The following TENM4 variants were observed in gnomAD, a reference collection of about 807,000 sequenced individuals.
The protein encoded by TENM4 is teneurin transmembrane protein 4.
Under a neutral mutation model 243.3 loss-of-function variants are expected in TENM4, and 82 were observed. The observed-to-expected ratio is 0.34, with a 90% CI of 0.28 to 0.40. TENM4 has a LOEUF of 0.40. Among genes scored for constraint, TENM4 ranks in the 10% least tolerant of loss-of-function variants. TENM4 has a pLI of 1.00. For missense variants in TENM4, 3,138 were observed against 3,673.3 expected, an observed-to-expected ratio of 0.85 and a Z score of 3.77; for synonymous variants, 1,412 against 1,456.3, an observed-to-expected ratio of 0.97 and a Z score of 0.69.
chr11:78,992,710 G>A (rs958481161), intron 6 of TENM4, among the ~76,000 whole-genome samples: 1 of 152,236 alleles, frequency 6.6e-6, no homozygotes, highest in Non-Finnish European at 1.5e-5. Context: ...TGAGTAGGAA[G>A]TAGAGAAGGT....
intron 3 of TENM4, among the ~76,000 whole-genome samples, chr11:79,200,303 A>C (rs1252347041): frequency 6.6e-6 from 1 of 152,208 alleles, no homozygotes; most frequent in Non-Finnish European, 1.5e-5. Flanking sequence ...GATGCTGGGC[A>C]TCACATAGTG....
Position 79,085,200 on chromosome 11 carries a change from C to A in TENM4, c.-65-15191G>T, listed in dbSNP as rs546909108. ...ATCCTGGCTAACATGGTGAAACCCC[C>A]TCTTTACTAAAAATACAAAAAAAAA... On this transcript the variant is annotated intron_variant, in intron 4 of 33. Transcript: ENST00000278550. Among the ~76,000 whole-genome samples, 506 of 151,464 alleles carry A rather than the reference C, an allele frequency of 3.3e-3. 13 individuals carry two copies. In the South Asian group the frequency reaches 0.053, roughly 16 times the overall value.
In TENM4 at chr11:78,658,440, T is replaced by G. The variant is rs764458923; in HGVS notation, c.7928A>C (p.Asn2643Thr). 4 of 1,613,874 alleles carry G rather than the reference T, an allele frequency of 2.5e-6. No homozygotes were observed. The East Asian group carries it at 8.9e-5, about 36-fold the overall frequency. Reference sequence around the variant, plus strand: ...CTGGGACACAGTGACGTTGACCCCATTCTCCAGGGTTCGCCGCCCCCCACT... The same window carrying G: ...CTGGGACACAGTGACGTTGACCCCAGTCTCCAGGGTTCGCCGCCCCCCACT... ...GLSGGRRTLE[N>T]GVNVTVSQIN... The change falls in exon 34 of 34, where the codon AAT (asparagine) becomes ACT (threonine). Residue 2643 changes from asparagine (N) to threonine (T), a missense_variant. Around this residue, in one of 2 missense-constraint regions of TENM4, gnomAD observed 2,467 missense variants for 3,059.1 expected, o/e 0.81. Transcript: ENST00000278550.
At chr11:79,008,273 C>T (rs1043779971) in intron 6 of TENM4, among the ~76,000 whole-genome samples, 3 of 152,174 alleles carry the variant, frequency 2.0e-5, no homozygotes, top group Non-Finnish European at 2.9e-5. Context: ...GGCTCTGCCA[C>T]CCCGGGTTTA....
chr11:78,729,784 A>G (rs1855608102), intron 21 of TENM4, 141 bp from the exon 22 acceptor site: 4 of 1,134,788 alleles, frequency 3.5e-6, no homozygotes, highest in East Asian at 4.9e-5. Flanking sequence ...AAAAGAGGAG[A>G]CAGTGGAAAG....
chr11:78,668,863 A>C, intron 32 of TENM4, 74 bp downstream of exon 32: 1 of 1,506,102 alleles, frequency 6.6e-7, no homozygotes, highest in African/African-American at 1.4e-5. Flanking sequence ...CAGCTTTCTC[A>C]AAGAAGACTA....
intron 21 of TENM4, among the ~76,000 whole-genome samples, chr11:78,729,859 A>G (rs1418632619): frequency 6.6e-6 from 1 of 151,902 alleles, no homozygotes; most frequent in Non-Finnish European, 1.5e-5. Context: ...CATAAATGAG[A>G]TGGGAGAAAG....
At chr11:79,364,407 T>C (rs1857641705) in intron 1 of TENM4, among the ~76,000 whole-genome samples, 1 of 152,162 alleles carries the variant, frequency 6.6e-6, no homozygotes, top group Non-Finnish European at 1.5e-5. Flanking sequence ...ATTTTTTCCC[T>C]GCCCAAGTCT....
At chr11:79,178,318 G>A (rs897624573) in intron 3 of TENM4, among the ~76,000 whole-genome samples, 6 of 152,142 alleles carry the variant, frequency 3.9e-5, no homozygotes, top group Admixed American at 1.3e-4. Context: ...TTAGGGCAGA[G>A]GTCCAGACTA....
At chr11:78,773,810 A>G (rs2136001306) in intron 17 of TENM4, among the ~76,000 whole-genome samples, 1 of 152,340 alleles carries the variant, frequency 6.6e-6, no homozygotes, top group East Asian at 1.9e-4. Flanking sequence ...TGAGACAATG[A>G]CAGCTGCCAC....
intron 3 of TENM4, among the ~76,000 whole-genome samples, chr11:79,198,275 T>C (rs1200625463): frequency 6.6e-6 from 1 of 152,116 alleles, no homozygotes; most frequent in East Asian, 1.9e-4. Context: ...GCTCTTGTCT[T>C]CTCTCTGATG....
chr11:79,379,692 C>T (rs1224911342), intron 1 of TENM4, among the ~76,000 whole-genome samples: 1 of 152,190 alleles, frequency 6.6e-6, no homozygotes, highest in Non-Finnish European at 1.5e-5. Flanking sequence ...TAGGTGATTT[C>T]CCTCAGACCA....
chr11:78,779,916 A>T (rs911827249), intron 16 of TENM4, among the ~76,000 whole-genome samples: 1 of 152,240 alleles, frequency 6.6e-6, no homozygotes, highest in African/African-American at 2.4e-5. Context: ...TCATCACTAT[A>T]TATTAGCCTC....
At chr11:78,771,468 T>C (rs1393429674) in intron 17 of TENM4, among the ~76,000 whole-genome samples, 1 of 152,228 alleles carries the variant, frequency 6.6e-6, no homozygotes, top group Non-Finnish European at 1.5e-5. Flanking sequence ...CCTATCAGAA[T>C]CTAACCAATG....
intron 4 of TENM4, among the ~76,000 whole-genome samples, chr11:79,107,281 C>A (rs1356499158): frequency 6.6e-6 from 1 of 151,538 alleles, no homozygotes; most frequent in African/African-American, 2.4e-5. Flanking sequence ...CTTGAGAATA[C>A]TAATCATAAT....
intron 4 of TENM4, among the ~76,000 whole-genome samples, chr11:79,084,475 C>T (rs1037225462): frequency 2.0e-5 from 3 of 152,138 alleles, no homozygotes; most frequent in African/African-American, 7.2e-5. Context: ...CCCAGATATC[C>T]TTCAACAGGT....
intron 1 of TENM4, among the ~76,000 whole-genome samples, chr11:79,346,187 C>T (rs969575044): frequency 6.6e-5 from 10 of 152,104 alleles, no homozygotes; most frequent in African/African-American, 1.9e-4. Flanking sequence ...CTCCTCCTCG[C>T]GATGATGATC....
intron 18 of TENM4, 50 bp from the exon 19 acceptor site, chr11:78,757,071 A>G (rs1856328674): frequency 6.5e-7 from 1 of 1,535,130 alleles, no homozygotes; most frequent in Non-Finnish European, 8.9e-7. Flanking sequence ...TCAATCAGCC[A>G]TGTTTATCCA....
chr11:79,220,388 G>A (rs2135237369), intron 2 of TENM4, among the ~76,000 whole-genome samples: 1 of 152,318 alleles, frequency 6.6e-6, no homozygotes, highest in Admixed American at 6.5e-5. Context: ...GAAGCAGAGT[G>A]GGGCTGAATC....
Sources: allele counts gnomAD v4.1 joint callset (sites outside exome capture counted in the v4.1 genomes callset), GRCh38; gene constraint gnomAD v4.1.1; regional missense constraint gnomAD v4.1.1; transcripts MANE v1.5; gene names NCBI Gene and HGNC (gene_info 2026-07-23, HGNC 2026-07-21).